The following POLG variants were observed in gnomAD, a reference collection of about 807,000 sequenced individuals.
POLG encodes the protein DNA polymerase subunit gamma-1.
A neutral mutation model predicts 155.4 loss-of-function variants in POLG; 110 were observed. The ratio of observed to expected loss-of-function variants is 0.71; its 90% CI spans 0.61 to 0.83. The LOEUF is 0.83. Among genes scored for constraint, POLG ranks in the 40% least tolerant of loss-of-function variants. The pLI, the probability that POLG is intolerant of heterozygous loss-of-function variation, is 0.00. For missense variants in POLG, 1,685 were observed against 1,627.5 expected (o/e 1.04, Z -0.61); for synonymous variants, 701 against 631.5 (o/e 1.11, Z -1.65).
At chr15:89,319,738 TA>T (rs1237706114) in intron 18 of POLG, among the ~76,000 whole-genome samples, 5 of 152,156 alleles carry the variant, frequency 3.3e-5, no homozygotes, top group Non-Finnish European at 2.9e-5. Context: ...TTTGGGGGGA[TA>T]GGGGTAAGAA....
chr15:89,322,780 T>A lies in POLG; in HGVS notation c.2388A>T (p.Lys796Asn). 6.2e-7 allele frequency: 1 copy of A among 1,614,110 alleles called. No homozygotes were observed. The highest frequency in any genetic ancestry group is 8.5e-7 in the Non-Finnish European group (1 of 1,180,018). The change falls in exon 14 of 23, where the codon AAA (lysine) becomes AAT (asparagine). Residue 796 changes from lysine (K) to asparagine (N), a missense_variant. By Grantham distance (94) the Lys-to-Asn change is moderately conservative. Transcript: ENST00000268124. ...GGGCGTTCCTCCAGAAAGAAATCAT[T>A]TTGTTGATTTCCAGAGCACGGGGCC... ...ASGPRALEIN[K>N]MISFWRNAHK...
At chr15:89,327,435 C>A in intron 6 of POLG, 86 bp from the exon 7 acceptor site, 1 of 1,228,708 alleles carries the variant, frequency 8.1e-7, no homozygotes, top group Non-Finnish European at 1.2e-6. Context: ...CAAGCCTCAA[C>A]CCAGCCACTG....
chr15:89,320,218 T>C (rs1312942392), intron 18 of POLG, among the ~76,000 whole-genome samples: 1 of 152,242 alleles, frequency 6.6e-6, no homozygotes, highest in Non-Finnish European at 1.5e-5. Context: ...CTCAGGAAGT[T>C]GTACCTCTCT....
chr15:89,333,555 C>G lies in POLG; in HGVS notation c.200G>C (p.Gly67Ala), dbSNP rs1399456619. The change falls in exon 2 of 23, where the codon GGG becomes GCG. Residue 67 changes from glycine to alanine, a missense_variant. By Grantham distance (60) the Gly-to-Ala change is moderately conservative. This residue lies in a region of POLG where 1,210 missense variants were observed against 1,167.1 expected (regional missense o/e 1.04). Coordinates refer to ENST00000268124, the MANE Select transcript of POLG (RefSeq NM_002693.3). ...QQPQVLSSEGGQLRHNPLDIQ... is the reference protein window; with the variant it reads ...QQPQVLSSEGAQLRHNPLDIQ... ...GTCCAATGGGTTGTGCCGCAGCTGC[C>G]CGCCCTCCGAGGATAGCACTTGCGG... 3 of 1,611,234 alleles carry G rather than the reference C, an allele frequency of 1.9e-6. No homozygotes were observed. The Admixed American group carries it at 5.0e-5, about 27-fold the overall frequency.
chr15:89,323,673 G>C, intron 12 of POLG, 142 bp downstream of exon 12: 2 of 834,832 alleles, frequency 2.4e-6, no homozygotes, highest in Non-Finnish European at 4.1e-6. Flanking sequence ...GCTCCAACAC[G>C]TGTGGGGCCT....
rs1382112698 is a variant in POLG, at chr15:89,325,251, A to AGAGTGAGTGAGT, written c.1949+198_1949+199insACTCACTCACTC. Among the ~76,000 whole-genome samples, 6 of 79,642 alleles carry AGAGTGAGTGAGT rather than the reference A, an allele frequency of 7.5e-5. 1 individual carries two copies. The highest frequency in any genetic ancestry group is 1.1e-4 in the African/African-American group (1 of 9,006). The allele number at this position is 79,642 out of a possible 152,430, so 52.2% of individuals were successfully genotyped here. ...GTGAGTGAGAGAGTGAGTGAGTGAG[A>AGAGTGAGTGAGT]GAGAGAGTGAGTGAGTGAGTGAGAG... On this transcript the variant is annotated intron_variant, in intron 10 of 22. Coordinates refer to ENST00000268124, the MANE Select transcript of POLG (RefSeq NM_002693.3).
Position 89,321,032 on chromosome 15 carries a change from G to T in POLG, c.2735-20C>A. On this transcript the variant is annotated intron_variant, in intron 17 of 22. Transcript: ENST00000268124. ...TGCAGCCTGGAAGACAAGCAGGAGT[G>T]AGAAAAGCAGCTCAGGAACATTCTG... 6.2e-7 allele frequency: 1 copy of T among 1,614,138 alleles called. No individual in the cohort carries two copies. Among genetic ancestry groups the T allele is most frequent in the South Asian group, 1.1e-5 (1 of 91,074 alleles).
chr15:89,324,097 C>T lies in POLG; in HGVS notation c.2070+10G>A. 1 of 1,614,034 alleles carries T rather than the reference C, an allele frequency of 6.2e-7. No homozygotes were observed. Among genetic ancestry groups the T allele is most frequent in the South Asian group, 1.1e-5 (1 of 91,088 alleles). On this transcript the variant is annotated intron_variant, in intron 11 of 22. Transcript: ENST00000268124. Reference sequence around the variant, plus strand: ...CCTCCCCAAAGCTCAGGTTCAGAGCCTGCCCTCACCGTTTGCCATATGGCA... The same window carrying T: ...CCTCCCCAAAGCTCAGGTTCAGAGCTTGCCCTCACCGTTTGCCATATGGCA...
chr15:89,333,858 C>G lies in POLG; in HGVS notation c.-104G>C. On this transcript the variant is annotated 5_prime_UTR_variant, in exon 2 of 23. Coordinates refer to ENST00000268124, the MANE Select transcript of POLG (RefSeq NM_002693.3). ...AGACGTGGAGAGAGACACGTCCTGT[C>G]TCTGCTCTCCTGTCAGTGAAATGGG... The G allele has an allele frequency of 7.5e-7, 1 of 1,337,520 alleles. No individual in the cohort carries two copies. Among genetic ancestry groups the G allele is most frequent in the Non-Finnish European group, 1.0e-6 (1 of 969,442 alleles). 82.9% of individuals were successfully genotyped at this position (1,337,520 alleles called of 1,614,324 possible). A position where few individuals can be genotyped will look rare whatever the true frequency, so the allele number is the denominator to read the frequency against.
chr15:89,320,958 T>C lies in POLG; in HGVS notation c.2789A>G (p.Asp930Gly). 6.2e-7 allele frequency: 1 copy of C among 1,613,912 alleles called. No homozygotes were observed. Among genetic ancestry groups the C allele is most frequent in the South Asian group, 1.1e-5 (1 of 91,086 alleles). ...TLQGRKSRGT[D>G]LHSKTATTVG... The stretch of plus-strand genomic sequence containing the variant: ...AGTAGTGGCTGTCTTACTGTGTAGA[T>C]CAGTGCCCCTGCTCTTCCTGCCCTG... Residue 930 changes from aspartate (D) to glycine (G), a missense_variant, in exon 18 of 23, where the codon GAT becomes GGT. Around this residue, in one of 3 missense-constraint regions of POLG, gnomAD observed 470 missense variants for 439.9 expected, o/e 1.07. Transcript: ENST00000268124.
At chr15:89,323,558 T>C in intron 12 of POLG, 47 bp from the exon 13 acceptor site, 1 of 1,237,842 alleles carries the variant, frequency 8.1e-7, no homozygotes, top group Non-Finnish European at 1.2e-6. Context: ...AGCACCTGCA[T>C]TCAGCAAGGG....
chr15:89,318,464 G>C (rs920677526), intron 21 of POLG, 77 bp downstream of exon 21: 1 of 1,208,128 alleles, frequency 8.3e-7, no homozygotes, highest in Admixed American at 1.7e-5. Context: ...AAACTGACCA[G>C]TCTGGCCCAA....
At position 89,320,820 on chromosome 15, in the gene POLG, T is replaced by C; in HGVS notation, c.2927A>G (p.Gln976Arg). The C allele has an allele frequency of 6.2e-7, 1 of 1,613,990 alleles. No individual in the cohort carries two copies. The highest frequency in any genetic ancestry group is 1.1e-5 in the South Asian group (1 of 91,080). The change falls in exon 18 of 23, where the codon CAG becomes CGG. Residue 976 changes from glutamine to arginine, a missense_variant. Around this residue, in one of 3 missense-constraint regions of POLG, gnomAD observed 470 missense variants for 439.9 expected, o/e 1.07. Coordinates refer to ENST00000268124, the MANE Select transcript of POLG (RefSeq NM_002693.3). ...CTGCTGGGCCTTCTCAGCTGCCTCC[T>C]GCTGTGTGAGCCGGTGGTTAAACTG... ...LMQFNHRLTQQEAAEKAQQMY... is the reference protein window; with the variant it reads ...LMQFNHRLTQREAAEKAQQMY...
intron 18 of POLG, among the ~76,000 whole-genome samples, chr15:89,320,016 C>T (rs2055371134): frequency 1.3e-5 from 2 of 152,358 alleles, no homozygotes; most frequent in African/African-American, 4.8e-5. Flanking sequence ...TCGCCTCCAC[C>T]AGCACACGCT....
At chr15:89,321,654 A>G (rs2055397776) in intron 16 of POLG, 82 bp downstream of exon 16, 1 of 1,003,970 alleles carries the variant, frequency 1.0e-6, no homozygotes, top group Admixed American at 1.7e-5. Context: ...GATCCTCACT[A>G]AATACCTAAA....
chr15:89,325,769 AC>A, intron 9 of POLG, 83 bp from the exon 10 acceptor site: 1 of 1,098,580 alleles, frequency 9.1e-7, no homozygotes, highest in Non-Finnish European at 1.4e-6. Flanking sequence ...CAATGTCCCC[AC>A]CCACCCTCCA....
intron 22 of POLG, 27 bp from the exon 23 acceptor site, chr15:89,316,854 A>G: frequency 6.5e-7 from 1 of 1,534,598 alleles, no homozygotes; most frequent in East Asian, 2.2e-5. Context: ...ATTGGTTAGG[A>G]TGCCACCTCA....
intron 21 of POLG, chr15:89,317,838 A>G (rs949382800): frequency 3.1e-5 from 13 of 424,008 alleles, no homozygotes; most frequent in African/African-American, 2.4e-4. Context: ...AGTTTGAAGC[A>G]TAAATGAGGA....
rs550592814 is a variant in POLG at position 89,325,494 on chromosome 15, C to A, written c.1905G>T (p.Pro635=). Residue 635 remains proline (P), a synonymous_variant, in exon 10 of 23, where the codon CCG becomes CCT. Coordinates refer to ENST00000268124, the MANE Select transcript of POLG (RefSeq NM_002693.3). ...PGRRDNLAKL[P]TGTTLESAGV... is the part of the protein sequence containing the mutation. ...CAGCTGACTCCAGGGTGGTACCTGTCGGCAGCTTGGCCAGGTTGTCCCGCC... is the reference window on the plus strand; with the variant it reads ...CAGCTGACTCCAGGGTGGTACCTGTAGGCAGCTTGGCCAGGTTGTCCCGCC... 1.2e-6 allele frequency: 2 copies of A among 1,608,622 alleles called. No individual in the cohort carries two copies. The highest frequency in any genetic ancestry group is 3.3e-5 in the Admixed American group (2 of 60,004).
Sources: gnomAD v4.1 joint callset for allele counts (sites outside exome capture counted in the v4.1 genomes callset) on GRCh38, gnomAD v4.1.1 for gene constraint, gnomAD v4.1.1 regional missense constraint, MANE v1.5 for transcripts, NCBI Gene and HGNC (gene_info 2026-07-23, HGNC 2026-07-21) for gene names.